DOK7: variants seen among roughly 807,000 people sequenced by gnomAD.
DOK7 encodes the protein docking protein 7.
In DOK7, 32 loss-of-function variants were observed where a neutral mutation model predicts 30.7. The ratio of observed to expected loss-of-function variants is 1.04; its 90% CI spans 0.79 to 1.40. The LOEUF is 1.40. Ranked by LOEUF, DOK7 falls within the 40% of genes most tolerant of loss-of-function variation. DOK7 has a pLI of 0.00. For synonymous variants in DOK7, 447 were observed against 324.1 expected (o/e 1.38, Z -4.07); for missense variants, 1,007 against 699.2 (o/e 1.44, Z -4.97).
chr4:3,475,647 G>GT (rs1727010714), intron 3 of DOK7, among the ~76,000 whole-genome samples: 1 of 152,116 alleles, frequency 6.6e-6, no homozygotes, highest in African/African-American at 2.4e-5. Context: ...GTGCCCTGAG[G>GT]TTCCCGTGGC....
chr4:3,481,479 G>T (rs1727440119), intron 4 of DOK7, among the ~76,000 whole-genome samples: 1 of 152,074 alleles, frequency 6.6e-6, no homozygotes, highest in Non-Finnish European at 1.5e-5. Context: ...GACTGGGGCT[G>T]CTTCAGGAGG....
downstream of DOK7, among the ~76,000 whole-genome samples, chr4:3,497,573 T>C (rs1348870865): frequency 6.6e-6 from 1 of 152,110 alleles, no homozygotes; most frequent in Non-Finnish European, 1.5e-5. Flanking sequence ...GGGCCAGTTC[T>C]GTGCCTGTTT....
exon 7 of DOK7, chr4:3,500,306 G>T: frequency 4.6e-6 from 7 of 1,535,968 alleles, no homozygotes; most frequent in Non-Finnish European, 6.1e-6. Context: ...CGCGCGGCGA[G>T]TCGCCCACTT....
intron 4 of DOK7, among the ~76,000 whole-genome samples, chr4:3,477,775 G>A (rs1039016348): frequency 6.6e-6 from 1 of 151,100 alleles, no homozygotes; most frequent in African/African-American, 2.4e-5. Flanking sequence ...TCTGGGATTG[G>A]AGAGCCAGTA....
At chr4:3,482,175 C>T (rs1727479144) in intron 4 of DOK7, among the ~76,000 whole-genome samples, 1 of 152,198 alleles carries the variant, frequency 6.6e-6, no homozygotes, top group Admixed American at 6.5e-5. Context: ...CGCTTACCCT[C>T]TAACAGCTGA....
chr4:3,470,027 T>C (rs16844418), intron 2 of DOK7, among the ~76,000 whole-genome samples: 28,964 of 152,070 alleles, frequency 0.19, 3,378 homozygotes, highest in African/African-American at 0.34. Flanking sequence ...CTTCAAACAA[T>C]GAGAATTCAC....
intron 2 of DOK7, among the ~76,000 whole-genome samples, chr4:3,470,349 G>A (rs775494729): frequency 3.3e-5 from 5 of 152,252 alleles, no homozygotes; most frequent in Non-Finnish European, 5.9e-5. Context: ...GGGGTCGGGA[G>A]TGGACACGTC....
At chr4:3,489,842 C>A in intron 6 of DOK7, 46 bp downstream of exon 6, 1 of 1,554,642 alleles carries the variant, frequency 6.4e-7, no homozygotes, top group East Asian at 2.4e-5. Context: ...GGCTAAGCCT[C>A]CAGCAGGAGA....
downstream of DOK7, among the ~76,000 whole-genome samples, chr4:3,498,036 G>C (rs1729007930): frequency 6.6e-6 from 1 of 152,198 alleles, no homozygotes; most frequent in Non-Finnish European, 1.5e-5. Flanking sequence ...CTTTTCCACA[G>C]AGGCCGGGGG....
intron 2 of DOK7, among the ~76,000 whole-genome samples, chr4:3,464,965 G>A (rs903705365): frequency 7.9e-5 from 12 of 152,184 alleles, no homozygotes; most frequent in Admixed American, 4.6e-4. Flanking sequence ...CGTATCCTGC[G>A]CAGTTGAGAT....
chr4:3,468,742 GTATGTGTC>G (rs1726515650), intron 2 of DOK7, among the ~76,000 whole-genome samples: 1 of 129,828 alleles, frequency 7.7e-6, no homozygotes, highest in African/African-American at 3.4e-5. Flanking sequence ...GTCTGCCTGT[GTATGTGTC>G]TGTGTGCGTG....
chr4:3,489,654 A>G, intron 5 of DOK7, 23 bp from the exon 6 acceptor site: 1 of 1,561,438 alleles, frequency 6.4e-7, no homozygotes, highest in Non-Finnish European at 8.7e-7. Context: ...CACCTCCTCC[A>G]CCGAGTCTTC....
At position 3,490,520 on chromosome 4, in the gene DOK7, CA is replaced by C. The variant is rs1560227254; in HGVS notation, c.772+725del. On this transcript the variant is annotated intron_variant, in intron 6 of 6. Transcript: ENST00000340083. ...TTTTCCCCCTGCTCATTCTTTCCTT[CA>C]CCCCCCCGCTCATTCGTTCCTTCCT... 6.5e-4 allele frequency among the ~76,000 whole-genome samples: 63 copies of C among 96,404 alleles called. 1 individual carries two copies. The highest frequency in any genetic ancestry group is 2.0e-3 in the African/African-American group (42 of 20,796). The allele number at this position is 96,404 out of a possible 152,430, so 63.2% of individuals were successfully genotyped here.
chr4:3,496,327 C>G (rs1728909685), downstream of DOK7, among the ~76,000 whole-genome samples: 1 of 152,240 alleles, frequency 6.6e-6, no homozygotes, highest in Admixed American at 6.5e-5. Flanking sequence ...TTTCCAGGGG[C>G]ACCCCCCTGC....
At chr4:3,495,283 G>T (rs13116668), downstream of DOK7, among the ~76,000 whole-genome samples, 1 of 152,166 alleles carries the variant, frequency 6.6e-6, no homozygotes, top group African/African-American at 2.4e-5. Flanking sequence ...GGACGAGTGA[G>T]GCTGTGGCTC....
rs1305535750 is a variant in DOK7, at chr4:3,490,436, CTTCAT to C, written c.772+644_772+648del. ...CCCCCACCGCCCCGCTCATTCATTCCTTCATTTCTCTCCTGCTCATTCATTCCTTT... is the reference window on the plus strand; with the variant it reads ...CCCCCACCGCCCCGCTCATTCATTCCTTCTCTCCTGCTCATTCATTCCTTT... On this transcript the variant is annotated intron_variant, in intron 6 of 6. Transcript: ENST00000340083. 2.3e-3 allele frequency among the ~76,000 whole-genome samples: 277 copies of C among 118,204 alleles called. 3 individuals are homozygous for C. Among genetic ancestry groups the C allele is most frequent in the African/African-American group, 9.0e-3 (257 of 28,522 alleles). 77.5% of individuals were successfully genotyped at this position (118,204 alleles called of 152,430 possible).
At chr4:3,471,269 T>C (rs1726746485) in intron 2 of DOK7, among the ~76,000 whole-genome samples, 1 of 152,238 alleles carries the variant, frequency 6.6e-6, no homozygotes, top group Non-Finnish European at 1.5e-5. Context: ...CTTACGGCAT[T>C]GCTGCAGGTG....
intron 5 of DOK7, among the ~76,000 whole-genome samples, chr4:3,487,553 G>C (rs950407166): frequency 6.6e-6 from 1 of 152,222 alleles, no homozygotes; most frequent in Non-Finnish European, 1.5e-5. Context: ...GAGCAGGAGG[G>C]AAGGGCTCAG....
At chr4:3,464,623 C>T (rs555583432) in intron 2 of DOK7, among the ~76,000 whole-genome samples, 18 of 152,272 alleles carry the variant, frequency 1.2e-4, no homozygotes, top group Non-Finnish European at 2.4e-4. Context: ...GTGGCTGGGT[C>T]GGGGCCGTGG....
Sources: allele counts gnomAD v4.1 joint callset (sites outside exome capture counted in the v4.1 genomes callset), GRCh38; gene constraint gnomAD v4.1.1; transcripts MANE v1.5; gene names NCBI Gene and HGNC (gene_info 2026-07-23, HGNC 2026-07-21).